Variants in MEGF11 observed in about 807,000 individuals in gnomAD.
MEGF11 encodes the protein multiple epidermal growth factor-like domains protein 11.
Under a neutral mutation model 146.6 loss-of-function variants are expected in MEGF11, and 126 were observed. The observed-to-expected ratio is 0.86, with a 90% CI of 0.74 to 1.00. The LOEUF (loss-of-function observed/expected upper bound fraction) is 1.00, where lower values mean the gene tolerates loss of function less well. Among genes scored for constraint, MEGF11 ranks in the 50% least tolerant of loss-of-function variants. The probability of loss-of-function intolerance (pLI) is 0.00; values close to 1 mark genes in which losing one functional copy is unlikely to be tolerated. For missense variants in MEGF11, 1,509 were observed against 1,521.2 expected, an observed-to-expected ratio of 0.99 and a Z score of 0.13; for synonymous variants, 532 against 583.4, an observed-to-expected ratio of 0.91 and a Z score of 1.27.
intron 1 of MEGF11, among the ~76,000 whole-genome samples, chr15:66,249,233 C>T (rs1337034036): frequency 6.6e-6 from 1 of 152,210 alleles, no homozygotes; most frequent in African/African-American, 2.4e-5. Context: ...TTGTTTCCCC[C>T]ACCCCTCCCA....
intron 1 of MEGF11, among the ~76,000 whole-genome samples, chr15:66,178,429 A>C (rs7165252): frequency 0.49 from 73,976 of 151,950 alleles, 18,234 homozygotes; most frequent in African/African-American, 0.55. Context: ...CTTCCTATTA[A>C]TACCTGTTTG....
chr15:66,167,113 G>A (rs1411574178), intron 1 of MEGF11, among the ~76,000 whole-genome samples: 3 of 152,038 alleles, frequency 2.0e-5, no homozygotes, highest in Non-Finnish European at 4.4e-5. Flanking sequence ...TGGCTCCAGT[G>A]GGCAGAGCCA....
chr15:66,004,904 T>G (rs749779631), intron 5 of MEGF11, among the ~76,000 whole-genome samples: 3 of 152,124 alleles, frequency 2.0e-5, no homozygotes, highest in Middle Eastern at 3.2e-3. Context: ...CCTTGGAAAC[T>G]AGAATAATAA....
intron 10 of MEGF11, among the ~76,000 whole-genome samples, chr15:65,940,710 C>T (rs1455985271): frequency 1.3e-5 from 2 of 152,236 alleles, no homozygotes; most frequent in East Asian, 3.8e-4. Context: ...CCATCCCTGA[C>T]CCTGCCTTCC....
At chr15:65,999,611 C>T (rs1456589180) in intron 5 of MEGF11, among the ~76,000 whole-genome samples, 1 of 152,116 alleles carries the variant, frequency 6.6e-6, no homozygotes, top group African/African-American at 2.4e-5. Context: ...ATTCACTCCT[C>T]GGGTCTCAGT....
intron 1 of MEGF11, among the ~76,000 whole-genome samples, chr15:66,172,015 C>T (rs1295188579): frequency 1.3e-5 from 2 of 152,202 alleles, no homozygotes; most frequent in East Asian, 3.9e-4. Context: ...ATTGGTAAAG[C>T]CCCGGCTTTT....
intron 1 of MEGF11, among the ~76,000 whole-genome samples, chr15:66,249,003 C>G (rs1359581011): frequency 1.3e-5 from 2 of 152,184 alleles, no homozygotes; most frequent in Non-Finnish European, 2.9e-5. Flanking sequence ...TCTTTTGGGT[C>G]TAATTAACAC....
At chr15:65,976,616 G>C (rs934116415) in intron 7 of MEGF11, among the ~76,000 whole-genome samples, 1 of 152,228 alleles carries the variant, frequency 6.6e-6, no homozygotes, top group African/African-American at 2.4e-5. Context: ...TCAGCCTTCA[G>C]AACTGTGAGA....
intron 1 of MEGF11, among the ~76,000 whole-genome samples, chr15:66,187,268 T>C (rs558545328): frequency 6.6e-6 from 1 of 152,370 alleles, no homozygotes; most frequent in Non-Finnish European, 1.5e-5. Context: ...CACTTCTCTG[T>C]CTTCACTGAT....
intron 16 of MEGF11, 28 bp downstream of exon 16, chr15:65,917,937 AG>A: frequency 1.2e-6 from 2 of 1,613,624 alleles, no homozygotes; most frequent in Non-Finnish European, 1.7e-6. Context: ...GACCCCAGGT[AG>A]GGGCATTCCC....
chr15:65,934,107 A>T (rs1479557913), intron 10 of MEGF11, among the ~76,000 whole-genome samples: 2 of 152,194 alleles, frequency 1.3e-5, no homozygotes, highest in African/African-American at 4.8e-5. Context: ...GGAGGACGGA[A>T]TGACCACTCC....
chr15:66,225,294 G>A (rs1229925522), intron 1 of MEGF11, among the ~76,000 whole-genome samples: 2 of 152,230 alleles, frequency 1.3e-5, no homozygotes, highest in Non-Finnish European at 2.9e-5. Flanking sequence ...TGAAAAAGAG[G>A]CCTCTTCAGC....
chr15:66,235,752 C>T (rs77571318), intron 1 of MEGF11, among the ~76,000 whole-genome samples: 3,272 of 152,250 alleles, frequency 0.021, 62 homozygotes, highest in Admixed American at 0.029. Flanking sequence ...ACTGCCCGGG[C>T]TCCCACATCT....
At chr15:66,065,821 G>A (rs1028005817) in intron 5 of MEGF11, among the ~76,000 whole-genome samples, 18 of 152,284 alleles carry the variant, frequency 1.2e-4, no homozygotes, top group African/African-American at 4.3e-4. Context: ...GGGTATTTAA[G>A]GAGGGCCCGG....
At chr15:65,923,618 T>C (rs1268137881) in intron 13 of MEGF11, among the ~76,000 whole-genome samples, 1 of 152,232 alleles carries the variant, frequency 6.6e-6, no homozygotes, top group East Asian at 1.9e-4. Flanking sequence ...ACTATGTATG[T>C]TGGACTCTGA....
At chr15:66,208,710 C>T (rs1362929004) in intron 1 of MEGF11, among the ~76,000 whole-genome samples, 3 of 151,860 alleles carry the variant, frequency 2.0e-5, no homozygotes, top group East Asian at 1.9e-4. Context: ...GGCGAAACCC[C>T]GTCTCTACTA....
intron 5 of MEGF11, among the ~76,000 whole-genome samples, chr15:66,001,178 C>T (rs2082354949): frequency 6.6e-6 from 1 of 152,116 alleles, no homozygotes; most frequent in Non-Finnish European, 1.5e-5. Context: ...GTTGGAGAGG[C>T]TCCCTGCTGC....
intron 15 of MEGF11, 27 bp downstream of exon 15, chr15:65,922,311 C>CCAGTACCTTCCCACTGGAGA: frequency 6.2e-7 from 1 of 1,602,988 alleles, no homozygotes. Context: ...ACCTCCCCAC[C>CCAGTACCTTCCCACTGGAGA]CAGTACCTTC....
chr15:65,939,050 C>G (rs1283010365), intron 10 of MEGF11, among the ~76,000 whole-genome samples: 1 of 152,076 alleles, frequency 6.6e-6, no homozygotes, highest in Admixed American at 6.6e-5. Context: ...GTTGACCCTC[C>G]CTCACACAAA....
Sources: allele counts gnomAD v4.1 joint callset (sites outside exome capture counted in the v4.1 genomes callset), GRCh38; gene constraint gnomAD v4.1.1; transcripts MANE v1.5; gene names NCBI Gene and HGNC (gene_info 2026-07-23, HGNC 2026-07-21).